The following HIP1R variants were observed in gnomAD, a reference collection of about 807,000 sequenced individuals.
The protein encoded by HIP1R is huntingtin-interacting protein 1-related protein.
Under a neutral mutation model 144.2 loss-of-function variants are expected in HIP1R, and 135 were observed. That is an observed-to-expected ratio of 0.94 (90% CI 0.81 to 1.08). HIP1R has a LOEUF of 1.08. HIP1R is among the 50% of genes least tolerant of loss of function. The pLI, the probability that HIP1R is intolerant of heterozygous loss-of-function variation, is 0.00. For missense variants in HIP1R, 1,462 were observed against 1,432.8 expected, an observed-to-expected ratio of 1.02 and a Z score of -0.33; for synonymous variants, 698 against 612.8, an observed-to-expected ratio of 1.14 and a Z score of -2.05.
chr12:122,862,121 C>T lies in HIP1R; in HGVS notation c.*368C>T, dbSNP rs867850341. The stretch of plus-strand genomic sequence containing the variant: ...GTTTGTAGTCAGCACACTGGGAAAC[C>T]GGGCCAGCGTGGGGCTCCCTGCCTT... On this transcript the variant is annotated 3_prime_UTR_variant, in exon 32 of 32. Coordinates refer to ENST00000253083, the MANE Select transcript of HIP1R (RefSeq NM_003959.3). The T allele has an allele frequency of 5.4e-5, 11 of 202,594 alleles. No individual in the cohort carries two copies. The highest frequency in any genetic ancestry group is 2.3e-4 in the Admixed American group (4 of 17,200). The allele number at this position is 202,594 out of a possible 1,614,324, so 12.5% of individuals were successfully genotyped here.
At chr12:122,857,479 G>C (rs1261682939) in intron 18 of HIP1R, 2 of 567,572 alleles carry the variant, frequency 3.5e-6, no homozygotes, top group Non-Finnish European at 6.3e-6. Flanking sequence ...TTCATCACTT[G>C]GTGGACATTG....
rs868562499 is a variant in HIP1R at position 122,835,667 on chromosome 12, C to G, written c.93+24C>G. On this transcript the variant is annotated intron_variant, in intron 1 of 31. Transcript: ENST00000253083. ...AGGCGAGCGGGCGGCGGGCGGCGGG[C>G]GGCGGGCGGCGGCGGGCGGGCGGGC... 1,666 of 826,730 alleles carry G rather than the reference C, an allele frequency of 2.0e-3. 31 individuals carry two copies. The highest frequency in any genetic ancestry group is 0.014 in the East Asian group (115 of 8,212). The allele number at this position is 826,730 out of a possible 1,614,324, so 51.2% of individuals were successfully genotyped here.
chr12:122,859,947 T>A, intron 24 of HIP1R, 100 bp from the exon 25 acceptor site: 1 of 1,458,596 alleles, frequency 6.9e-7, no homozygotes, highest in Non-Finnish European at 9.3e-7. Flanking sequence ...GAGCAGACAC[T>A]CCCTCCCCAC....
chr12:122,841,987 G>A (rs768484036), intron 1 of HIP1R, among the ~76,000 whole-genome samples: 3 of 152,154 alleles, frequency 2.0e-5, no homozygotes, highest in East Asian at 3.9e-4. Context: ...TAAATGGAGC[G>A]GAGCAGTTGC....
chr12:122,843,793 T>C (rs2033128421), intron 1 of HIP1R, among the ~76,000 whole-genome samples: 1 of 152,214 alleles, frequency 6.6e-6, no homozygotes, highest in Non-Finnish European at 1.5e-5. Context: ...CTCTGCTGTC[T>C]CTGCGGACCC....
chr12:122,851,300 G>A lies in HIP1R; in HGVS notation c.577+3G>A, dbSNP rs1157713952. 5 of 1,549,844 alleles carry A rather than the reference G, an allele frequency of 3.2e-6. No homozygotes were observed. The highest frequency in any genetic ancestry group is 4.3e-6 in the Non-Finnish European group (5 of 1,156,062). The stretch of plus-strand genomic sequence containing the variant: ...TGAGCTGAAGCTTTCTGAATCAGGT[G>A]AGCCGTAAAGAGGGGATGCGGGGGT... On this transcript the variant is annotated splice_donor_region_variant and intron_variant, in intron 7 of 31. Transcript: ENST00000253083.
chr12:122,853,796 G>A, intron 7 of HIP1R: 1 of 415,640 alleles, frequency 2.4e-6, no homozygotes, highest in Non-Finnish European at 4.3e-6. Flanking sequence ...GGAGGTCTCT[G>A]GAAGCCCTTG....
intron 1 of HIP1R, among the ~76,000 whole-genome samples, chr12:122,845,857 C>T (rs143011255): frequency 1.6e-4 from 25 of 152,288 alleles, no homozygotes; most frequent in African/African-American, 5.5e-4. Context: ...TGCACCTTGG[C>T]CTCACTGTGT....
rs147430431 is a variant in HIP1R, at chr12:122,854,254, G to C, written c.718+71G>C. ...TGGCTTAGACATTCACTGTCAAAAA[G>C]GAAAATCGAAAAATTAGAGGTTTAT... On this transcript the variant is annotated intron_variant, in intron 8 of 31. Transcript: ENST00000253083. The C allele has an allele frequency of 8.6e-4, 1,180 of 1,370,176 alleles. 1 individual carries two copies. Among genetic ancestry groups the C allele is most frequent in the Admixed American group, 2.4e-3 (94 of 38,864 alleles). 84.9% of individuals were successfully genotyped at this position (1,370,176 alleles called of 1,614,324 possible).
chr12:122,858,359 G>T lies in HIP1R; in HGVS notation c.1974G>T (p.Val658=). The T allele has an allele frequency of 6.2e-7, 1 of 1,609,882 alleles. No homozygotes were observed. Among genetic ancestry groups the T allele is most frequent in the South Asian group, 1.1e-5 (1 of 90,770 alleles). ...TCCTCGTGCTTGCAGACTACCTGGT[G>T]AGCAGGGCCCAGGAGGCCTTGGATG... is the stretch of plus-strand genomic sequence containing the variant. ...LRCTSSPDYL[V]SRAQEALDAV... Residue 658 remains valine, a synonymous_variant, in exon 20 of 32, where the codon GTG becomes GTT. Coordinates refer to ENST00000253083, the MANE Select transcript of HIP1R (RefSeq NM_003959.3).
At chr12:122,855,457 G>A in intron 11 of HIP1R, 52 bp downstream of exon 11, 1 of 1,548,940 alleles carries the variant, frequency 6.5e-7, no homozygotes, top group Non-Finnish European at 8.7e-7. Flanking sequence ...GCAGCATGAG[G>A]CCAACGGGAG....
At chr12:122,850,358 G>T (rs753895996) in intron 5 of HIP1R, 7 of 466,302 alleles carry the variant, frequency 1.5e-5, no homozygotes, top group Middle Eastern at 1.1e-3. Flanking sequence ...GGTTGGGGGG[G>T]CCCTGGTTCA....
upstream of HIP1R, chr12:122,835,081 TC>T (rs1179284112): frequency 4.6e-5 from 46 of 993,404 alleles, no homozygotes; most frequent in Non-Finnish European, 5.8e-5. Flanking sequence ...AGGGAGGGGT[TC>T]CCCCTCCCCC....
At chr12:122,860,577 A>G (rs1369863344) in intron 27 of HIP1R, 54 bp downstream of exon 27, 1 of 1,561,778 alleles carries the variant, frequency 6.4e-7, no homozygotes. Context: ...CAGTTGGAGC[A>G]GTTTGGGGTT....
At position 122,859,200 on chromosome 12, in the gene HIP1R, G is replaced by A; in HGVS notation, c.2295+3G>A. ...AGGGCATCCTTCAGCTGGGCCAGGT[G>A]AGGCACAGCTGAGTGTGGGTTTGGG... On this transcript the variant is annotated splice_donor_region_variant and intron_variant, in intron 22 of 31. Transcript: ENST00000253083. 6.4e-7 allele frequency: 1 copy of A among 1,569,992 alleles called. No individual in the cohort carries two copies. The highest frequency in any genetic ancestry group is 1.3e-5 in the African/African-American group (1 of 74,192).
chr12:122,859,309 C>A, intron 22 of HIP1R, 112 bp downstream of exon 22: 1 of 1,467,310 alleles, frequency 6.8e-7, no homozygotes, highest in Non-Finnish European at 9.4e-7. Context: ...AGCCTCAGGA[C>A]ACAGGGTGGG....
rs1286978062 is a variant in HIP1R, at chr12:122,856,149, G to A, written c.1298G>A (p.Arg433His). 1.3e-5 allele frequency: 21 copies of A among 1,599,476 alleles called. No individual in the cohort carries two copies. Among genetic ancestry groups the A allele is most frequent in the Non-Finnish European group, 1.8e-5 (21 of 1,173,648 alleles). Residue 433 changes from arginine to histidine, a missense_variant, in exon 14 of 32, where the codon CGT (arginine) becomes CAT (histidine). Physicochemically the swap from Arg to His is conservative, Grantham distance 29. This residue lies in a region of HIP1R where 1,112 missense variants were observed against 1,011.7 expected (regional missense o/e 1.10). Coordinates refer to ENST00000253083, the MANE Select transcript of HIP1R (RefSeq NM_003959.3). ...QLEGERSQGL[R>H]EEAERKASAT... ...GAGGGCGAGCGGAGCCAGGGCCTGC[G>A]TGAGGAGGCTGAGAGTACGTGGGGC... is the stretch of plus-strand genomic sequence containing the variant.
chr12:122,852,742 G>A (rs2033437403), intron 7 of HIP1R, among the ~76,000 whole-genome samples: 1 of 152,124 alleles, frequency 6.6e-6, no homozygotes, highest in Admixed American at 6.5e-5. Flanking sequence ...GTGGTGGGAA[G>A]AGAGATGTGT....
intron 1 of HIP1R, among the ~76,000 whole-genome samples, chr12:122,838,305 C>T (rs1040874117): frequency 6.7e-6 from 1 of 149,730 alleles, no homozygotes; most frequent in Non-Finnish European, 1.5e-5. Flanking sequence ...TTCCCTATGA[C>T]TTTAGTCCCT....
Sources: allele counts gnomAD v4.1 joint callset (sites outside exome capture counted in the v4.1 genomes callset), GRCh38; gene constraint gnomAD v4.1.1; regional missense constraint gnomAD v4.1.1; transcripts MANE v1.5; gene names NCBI Gene and HGNC (gene_info 2026-07-23, HGNC 2026-07-21).